Variants in ZMYM3 observed in about 807,000 individuals in gnomAD.
ZMYM3 encodes the protein zinc finger MYM-type protein 3.
In ZMYM3, 6 loss-of-function variants were observed where a neutral mutation model predicts 94.2. The observed-to-expected ratio is 0.06, with a 90% confidence interval of 0.03 to 0.13. ZMYM3 has a LOEUF of 0.13. Among genes scored for constraint, ZMYM3 ranks in the 10% least tolerant of loss-of-function variants. The probability of loss-of-function intolerance (pLI) is 1.00; values close to 1 mark genes in which losing one functional copy is unlikely to be tolerated. For missense variants in ZMYM3, 664 were observed against 1,132.6 expected (o/e 0.59, Z 5.94); for synonymous variants, 420 against 426.5 (o/e 0.98, Z 0.19).
chrX:71,248,889 C>T lies in ZMYM3; in HGVS notation c.1622-88G>A, dbSNP rs760013537. The T allele has an allele frequency of 3.1e-5, 34 of 1,101,485 alleles. No homozygotes were observed. In the Admixed American group the frequency reaches 3.2e-4, roughly 10 times the overall value. 90.8% of individuals were successfully genotyped at this position (1,101,485 alleles called of 1,213,427 possible). On this transcript the variant is annotated intron_variant, in intron 8 of 24. Transcript: ENST00000314425. ...AGAAGGTGTAAGGCAGTGTAAGAGACGAACAGAAAATCCATGGGGAGATGT... is the reference window on the plus strand; with the variant it reads ...AGAAGGTGTAAGGCAGTGTAAGAGATGAACAGAAAATCCATGGGGAGATGT...
Position 71,246,372 on chromosome X carries a change from C to T in ZMYM3, c.2553G>A (p.Lys851=), listed in dbSNP as rs2030171169. 1 of 1,203,344 alleles carries T rather than the reference C, an allele frequency of 8.3e-7. No individual in the cohort carries two copies. The highest frequency in any genetic ancestry group is 1.8e-5 in the South Asian group (1 of 56,719). ...GCTCACCTGTTTGACTTCCTTTGGA[C>T]TTCATCTCCACCTTGCAGGAGACGC... ...NRGVSCKVEM[K]SKGSQTEEWK... is the part of the protein sequence containing the mutation. Residue 851 remains lysine (K), a synonymous_variant, in exon 15 of 25, where the codon AAG becomes AAA. Coordinates refer to ENST00000314425, the MANE Select transcript of ZMYM3 (RefSeq NM_201599.3).
Position 71,248,520 on chromosome X carries a change from G to A in ZMYM3, c.1742C>T (p.Thr581Ile), listed in dbSNP as rs1377721918. The A allele has an allele frequency of 8.3e-7, 1 of 1,208,594 alleles. No homozygotes were observed. Among genetic ancestry groups the A allele is most frequent in the Non-Finnish European group, 1.1e-6 (1 of 894,129 alleles). ...CAGGTGAATGCCCCCCTCAGGGCTT[G>A]TGCGCTGGAGGGAAGGAAGACAAGT... ...SPSCWTKFQR[T>I]SPEGGIHLSC... Residue 581 changes from threonine to isoleucine, a missense_variant, in exon 10 of 25, where the codon ACA becomes ATA. Coordinates refer to ENST00000314425, the MANE Select transcript of ZMYM3 (RefSeq NM_201599.3).
rs751216642 is a variant in ZMYM3 at position 71,247,555 on chromosome X, G to T, written c.2149-45C>A. 1.4e-5 allele frequency: 16 copies of T among 1,182,273 alleles called. 1 individual carries two copies. In the South Asian group the frequency reaches 3.0e-4, roughly 22 times the overall value. ...GGTCAGACCTGCCTCCCTAAAATGC[G>T]TTGGGCCCTTTCTTTCCCCCGGGAT... On this transcript the variant is annotated intron_variant, in intron 12 of 24. Transcript: ENST00000314425.
intron 8 of ZMYM3, 80 bp from the exon 9 acceptor site, chrX:71,248,881 G>C: frequency 9.1e-7 from 1 of 1,095,891 alleles, no homozygotes. Flanking sequence ...GTAAGGCAGT[G>C]TAAGAGACGA....
chrX:71,251,647 C>A (rs1176719509), intron 2 of ZMYM3, 46 bp from the exon 3 acceptor site: 1 of 1,125,684 alleles, frequency 8.9e-7, no homozygotes, highest in Non-Finnish European at 1.2e-6. Flanking sequence ...CCTGCCCTCA[C>A]CACCCTCTCC....
At chrX:71,255,217 T>G (rs2030713264), upstream of ZMYM3, 1 of 104,113 alleles carries the variant, frequency 9.6e-6, no homozygotes, top group East Asian at 3.1e-4. Flanking sequence ...TCTCGCTCTC[T>G]CTCTCTCTCT....
chrX:71,246,295 G>A, intron 15 of ZMYM3, 58 bp downstream of exon 15: 4 of 1,197,383 alleles, frequency 3.3e-6, no homozygotes, highest in Non-Finnish European at 4.5e-6. Flanking sequence ...ACGGACATAG[G>A]GCTGGCAGGC....
chrX:71,253,956 C>G (rs1181701697), intron 1 of ZMYM3, 73 bp downstream of exon 1: 1 of 106,323 alleles, frequency 9.4e-6, no homozygotes, highest in Admixed American at 1.0e-4. Context: ...TTAGACCCCC[C>G]CACCACCGCC....
In ZMYM3 at chrX:71,250,460, C is replaced by G. The variant is rs750375109; in HGVS notation, c.1045G>C (p.Gly349Arg). The G allele has an allele frequency of 7.4e-6, 9 of 1,208,613 alleles. No individual in the cohort carries two copies. The South Asian group carries it at 1.4e-4, about 19-fold the overall frequency. Residue 349 changes from glycine to arginine, a missense_variant, in exon 5 of 25, where the codon GGC becomes CGC. Gly to Arg is a moderately radical substitution (Grantham distance 125). Transcript: ENST00000314425. ...TTGCAGAAGGTACAGGTCTTTTTGCCCGAGGGCTTCTTGGAGAAAGTGGTG... is the reference window on the plus strand; with the variant it reads ...TTGCAGAAGGTACAGGTCTTTTTGCGCGAGGGCTTCTTGGAGAAAGTGGTG... The part of the protein sequence containing the change: ...CLTTFSKKPS[G>R]KKTCTFCKKE...
At chrX:71,249,393 C>G in intron 7 of ZMYM3, 68 bp downstream of exon 7, 1 of 1,155,724 alleles carries the variant, frequency 8.7e-7, no homozygotes, top group Non-Finnish European at 1.2e-6. Context: ...CATCAGCCAC[C>G]TTTATTTATA....
chrX:71,250,382 C>T, intron 5 of ZMYM3, 50 bp downstream of exon 5: 1 of 1,152,711 alleles, frequency 8.7e-7, no homozygotes, highest in Non-Finnish European at 1.2e-6. Context: ...CTTACTCATA[C>T]TCCTGCCCAG....
At chrX:71,247,607 G>C (rs940180302) in intron 12 of ZMYM3, 97 bp from the exon 13 acceptor site, 1 of 1,139,848 alleles carries the variant, frequency 8.8e-7, no homozygotes, top group Non-Finnish European at 1.2e-6. Flanking sequence ...CTTGGAGATC[G>C]GGCCAGCTTA....
At chrX:71,251,322 A>G (rs1198779607) in intron 3 of ZMYM3, 78 bp from the exon 4 acceptor site, 30 of 730,598 alleles carry the variant, frequency 4.1e-5, no homozygotes, top group Non-Finnish European at 5.2e-5. Context: ...TTGGGGGGGG[A>G]TAGAAGATGG....
In ZMYM3 at chrX:71,254,098, T is replaced by C. The variant is rs58985560; in HGVS notation, c.-89A>G. On this transcript the variant is annotated 5_prime_UTR_variant, in exon 1 of 25. Coordinates refer to ENST00000314425, the MANE Select transcript of ZMYM3 (RefSeq NM_201599.3). ...CAGCGACGGCCCCGCGCTCCTTCTC[T>C]ACCTCCCTCCCTAGCAGCCGGGACA... 0.079 allele frequency: 8,799 copies of C among 110,838 alleles called. 779 individuals are homozygous for C. The highest frequency in any genetic ancestry group is 0.26 in the African/African-American group (7,910 of 30,335). 9.1% of individuals were successfully genotyped at this position (110,838 alleles called of 1,213,427 possible).
rs765997122 is a variant in ZMYM3, at chrX:71,253,070, G to A, written c.186C>T (p.Thr62=). The A allele has an allele frequency of 1.7e-6, 2 of 1,200,641 alleles. No homozygotes were observed. Among genetic ancestry groups the A allele is most frequent in the Non-Finnish European group, 2.2e-6 (2 of 889,606 alleles). The change falls in exon 2 of 25, where the codon ACC becomes ACT. Residue 62 remains threonine, a synonymous_variant. Coordinates refer to ENST00000314425, the MANE Select transcript of ZMYM3 (RefSeq NM_201599.3). ...PSSGALDLLD[T]PAGLEKDPGV... ...CAGGGTCTTTTTCCAGGCCAGCAGG[G>A]GTATCAAGCAGGTCCAGGGCTCCCG...
Position 71,246,462 on chromosome X carries a change from T to TGTGGGGGGGGGGG in ZMYM3, c.2462_2463insCCCCCCCCCCCAC (p.Ala825HisfsTer16). On this transcript the variant is annotated frameshift_variant, in exon 15 of 25. Coordinates refer to ENST00000314425, the MANE Select transcript of ZMYM3 (RefSeq NM_201599.3). LOFTEE classifies it high-confidence loss of function. ...TTTTGCGGGGTGTTGCTGGGGGTGG[T>TGTGGGGGGGGGGG]GGGGGTGGAGGGGTGGGAGCAGTGG... 1 of 57,929 alleles carries TGTGGGGGGGGGGG rather than the reference T, an allele frequency of 1.7e-5. No individual in the cohort carries two copies. Among genetic ancestry groups the TGTGGGGGGGGGGG allele is most frequent in the Non-Finnish European group, 2.8e-5 (1 of 35,762 alleles). 4.8% of individuals were successfully genotyped at this position (57,929 alleles called of 1,213,427 possible).
intron 1 of ZMYM3, among the ~76,000 whole-genome samples, chrX:71,253,579 A>AC (rs1432433445): frequency 8.7e-5 from 4 of 45,847 alleles, no homozygotes; most frequent in Non-Finnish European, 1.1e-4. Flanking sequence ...CTTACCTTTT[A>AC]CCCCCCGCAA....
intron 20 of ZMYM3, 69 bp downstream of exon 20, chrX:71,244,233 C>T: frequency 8.7e-7 from 1 of 1,152,321 alleles, no homozygotes; most frequent in Non-Finnish European, 1.2e-6. Context: ...ACAGGCCCAG[C>T]CCCTTCTCCC....
chrX:71,247,974 T>C lies in ZMYM3; in HGVS notation c.1976-68A>G, dbSNP rs1345495463. 24 of 1,112,907 alleles carry C rather than the reference T, an allele frequency of 2.2e-5. No homozygotes were observed. The Admixed American group carries it at 6.9e-4, about 32-fold the overall frequency. The allele number at this position is 1,112,907 out of a possible 1,213,427, so 91.7% of individuals were successfully genotyped here. Reference sequence around the variant, plus strand: ...ACCCAAGGGCAAGAGACCCAACCTTTTCAAGGTGCTATACCTGAAACCTCT... The same window carrying C: ...ACCCAAGGGCAAGAGACCCAACCTTCTCAAGGTGCTATACCTGAAACCTCT... On this transcript the variant is annotated intron_variant, in intron 11 of 24. Coordinates refer to ENST00000314425, the MANE Select transcript of ZMYM3 (RefSeq NM_201599.3).
Sources: allele counts gnomAD v4.1 joint callset (sites outside exome capture counted in the v4.1 genomes callset), GRCh38; gene constraint gnomAD v4.1.1; transcripts MANE v1.5; gene names NCBI Gene and HGNC (gene_info 2026-07-23, HGNC 2026-07-21).